Variants in GRM5 observed in about 807,000 individuals in gnomAD.
GRM5 encodes the protein metabotropic glutamate receptor 5.
A neutral mutation model predicts 83.1 loss-of-function variants in GRM5; 19 were observed. The ratio of observed to expected loss-of-function variants is 0.23; its 90% CI spans 0.16 to 0.34. The LOEUF is 0.34. GRM5 is among the 10% of genes least tolerant of loss of function. GRM5 has a pLI of 1.00. For missense variants in GRM5, 1,160 were observed against 1,588.3 expected, an observed-to-expected ratio of 0.73 and a Z score of 4.58; for synonymous variants, 675 against 633.6, an observed-to-expected ratio of 1.07 and a Z score of -0.98.
intron 3 of GRM5, among the ~76,000 whole-genome samples, chr11:88,801,322 T>C (rs12276920): frequency 0.031 from 4,793 of 152,292 alleles, 225 homozygotes; most frequent in African/African-American, 0.097. Flanking sequence ...TATAAATTAC[T>C]GTTAAGTTGG....
intron 2 of GRM5, among the ~76,000 whole-genome samples, chr11:88,979,998 A>G (rs1939475144): frequency 6.6e-6 from 1 of 152,206 alleles, no homozygotes; most frequent in Non-Finnish European, 1.5e-5. Flanking sequence ...TTTACCCAAT[A>G]AAGGACTATA....
At chr11:88,795,313 T>C (rs1943256515) in intron 3 of GRM5, among the ~76,000 whole-genome samples, 1 of 152,194 alleles carries the variant, frequency 6.6e-6, no homozygotes, top group African/African-American at 2.4e-5. Flanking sequence ...CCCAGTGACC[T>C]CCATGCTACA....
At chr11:88,621,940 A>G (rs1938647875) in intron 4 of GRM5, among the ~76,000 whole-genome samples, 1 of 152,174 alleles carries the variant, frequency 6.6e-6, no homozygotes, top group Non-Finnish European at 1.5e-5. Context: ...AAGAGATTTG[A>G]TTAGGGTAGA....
At chr11:88,937,765 A>C (rs1430540133) in intron 2 of GRM5, among the ~76,000 whole-genome samples, 2 of 151,698 alleles carry the variant, frequency 1.3e-5, no homozygotes, top group African/African-American at 4.8e-5. Flanking sequence ...TGCAGAATAG[A>C]AGCAGAAAAT....
chr11:88,660,777 T>C (rs749226514), intron 3 of GRM5, among the ~76,000 whole-genome samples: 4 of 152,196 alleles, frequency 2.6e-5, no homozygotes, highest in African/African-American at 4.8e-5. Context: ...GATATGTTAA[T>C]AGTTTCACAC....
At chr11:88,620,425 G>A (rs923770975) in intron 4 of GRM5, among the ~76,000 whole-genome samples, 2 of 152,092 alleles carry the variant, frequency 1.3e-5, no homozygotes, top group African/African-American at 4.8e-5. Context: ...TGTATTTCCA[G>A]CACCCAGAAC....
chr11:88,705,251 T>C (rs1166133376), intron 3 of GRM5, among the ~76,000 whole-genome samples: 2 of 152,050 alleles, frequency 1.3e-5, no homozygotes, highest in African/African-American at 4.8e-5. Flanking sequence ...GACTCAGCAG[T>C]GCTTGAGCTG....
At chr11:88,643,350 G>C (rs1438598128) in intron 4 of GRM5, among the ~76,000 whole-genome samples, 1 of 152,120 alleles carries the variant, frequency 6.6e-6, no homozygotes, top group African/African-American at 2.4e-5. Flanking sequence ...CTGTTCATTA[G>C]AACATATCCC....
chr11:88,931,315 T>C (rs543209240), intron 2 of GRM5, among the ~76,000 whole-genome samples: 5 of 152,028 alleles, frequency 3.3e-5, no homozygotes, highest in Admixed American at 2.0e-4. Flanking sequence ...TGCTACATAA[T>C]TGAGTAAAAT....
In GRM5 at chr11:88,696,713, C is replaced by T. The variant is rs555077854; in HGVS notation, c.912-43310G>A. On this transcript the variant is annotated intron_variant, in intron 3 of 9. Coordinates refer to ENST00000305447, the MANE Select transcript of GRM5 (RefSeq NM_001143831.3). ...AGCAGAATGGGTTTTATAATGTTACCTATCTCATTGAATGGTTGTAAAGAT... is the reference window on the plus strand; with the variant it reads ...AGCAGAATGGGTTTTATAATGTTACTTATCTCATTGAATGGTTGTAAAGAT... Among the ~76,000 whole-genome samples, 228 of 152,212 alleles carry T rather than the reference C, an allele frequency of 1.5e-3. 2 individuals are homozygous for T. Among genetic ancestry groups the T allele is most frequent in the African/African-American group, 5.1e-3 (212 of 41,530 alleles).
intron 3 of GRM5, among the ~76,000 whole-genome samples, chr11:88,665,309 C>T (rs1375572483): frequency 6.6e-6 from 1 of 151,942 alleles, no homozygotes; most frequent in Admixed American, 6.6e-5. Context: ...GTTCAGTACC[C>T]TGTCATTGTT....
At chr11:88,714,660 C>T (rs183445283) in intron 3 of GRM5, among the ~76,000 whole-genome samples, 4 of 151,950 alleles carry the variant, frequency 2.6e-5, no homozygotes, top group Non-Finnish European at 4.4e-5. Context: ...TTTACAGTCA[C>T]TTCATAAAGC....
intron 9 of GRM5, among the ~76,000 whole-genome samples, chr11:88,521,489 A>G (rs1941688114): frequency 6.6e-6 from 1 of 152,162 alleles, no homozygotes; most frequent in South Asian, 2.1e-4. Context: ...AATAACATTC[A>G]GTGTTGAGGT....
chr11:88,622,086 C>A (rs1938653082), intron 4 of GRM5, among the ~76,000 whole-genome samples: 1 of 50,634 alleles, frequency 2.0e-5, no homozygotes, highest in African/African-American at 5.6e-5. Context: ...TTTAAAATCA[C>A]AACACTATTT....
At chr11:88,745,811 C>T (rs1591483981) in intron 3 of GRM5, among the ~76,000 whole-genome samples, 1 of 152,170 alleles carries the variant, frequency 6.6e-6, no homozygotes, top group South Asian at 2.1e-4. Context: ...AGCCAATCCA[C>T]CTCAGCGTTT....
chr11:88,913,921 T>C (rs1429887395), intron 2 of GRM5, among the ~76,000 whole-genome samples: 4 of 152,128 alleles, frequency 2.6e-5, no homozygotes, highest in African/African-American at 9.7e-5. Flanking sequence ...TACTGTTTTC[T>C]CTCCTTGTTC....
chr11:88,959,436 ATAT>A (rs1224998953), intron 2 of GRM5, among the ~76,000 whole-genome samples: 4 of 151,702 alleles, frequency 2.6e-5, no homozygotes, highest in African/African-American at 4.8e-5. Flanking sequence ...AAATATAAAC[ATAT>A]TATAATTAAT....
chr11:88,800,567 G>T (rs558192290), intron 3 of GRM5, among the ~76,000 whole-genome samples: 23 of 152,044 alleles, frequency 1.5e-4, no homozygotes, highest in Non-Finnish European at 2.2e-4. Context: ...AATATAGCAG[G>T]TACTCAGCAA....
intron 2 of GRM5, among the ~76,000 whole-genome samples, chr11:88,946,791 C>A (rs1001453160): frequency 6.6e-6 from 1 of 151,982 alleles, no homozygotes; most frequent in Non-Finnish European, 1.5e-5. Context: ...TTCAGAAATT[C>A]TTTCTTTTGT....
Sources: gnomAD v4.1 joint callset for allele counts (sites outside exome capture counted in the v4.1 genomes callset) on GRCh38, gnomAD v4.1.1 for gene constraint, MANE v1.5 for transcripts, NCBI Gene and HGNC (gene_info 2026-07-23, HGNC 2026-07-21) for gene names.